ZNF385D: variants seen among roughly 807,000 people sequenced by gnomAD.
ZNF385D encodes the protein zinc finger protein 659.
Under a neutral mutation model 35.8 loss-of-function variants are expected in ZNF385D, and 15 were observed. The ratio of observed to expected loss-of-function variants is 0.42; its 90% CI spans 0.28 to 0.64. The LOEUF (loss-of-function observed/expected upper bound fraction) is 0.64. ZNF385D is among the 30% of genes least tolerant of loss of function. The pLI is 0.23. For missense variants in ZNF385D, 474 were observed against 494.6 expected, an observed-to-expected ratio of 0.96 and a Z score of 0.39; for synonymous variants, 212 against 186.8, an observed-to-expected ratio of 1.13 and a Z score of -1.10.
intron 3 of ZNF385D, among the ~76,000 whole-genome samples, chr3:22,085,028 G>A (rs1377867157): frequency 6.6e-6 from 1 of 152,134 alleles, no homozygotes; most frequent in Non-Finnish European, 1.5e-5. Flanking sequence ...TGAAACCAAT[G>A]AGAACAAAGA....
intron 3 of ZNF385D, among the ~76,000 whole-genome samples, chr3:21,912,516 A>G (rs1700009482): frequency 6.6e-6 from 1 of 152,056 alleles, no homozygotes; most frequent in South Asian, 2.1e-4. Context: ...GAAGCTAAAT[A>G]AACTGACATG....
At chr3:21,619,564 TCA>T (rs2064945087) in intron 2 of ZNF385D, among the ~76,000 whole-genome samples, 1 of 152,116 alleles carries the variant, frequency 6.6e-6, no homozygotes, top group Non-Finnish European at 1.5e-5. Context: ...AATCCGATGT[TCA>T]CATTATTCTC....
intron 3 of ZNF385D, among the ~76,000 whole-genome samples, chr3:22,027,672 G>A (rs1188287640): frequency 1.3e-5 from 2 of 152,116 alleles, no homozygotes; most frequent in African/African-American, 2.4e-5. Context: ...CATAAAGTGG[G>A]TCACGCACAG....
intron 3 of ZNF385D, among the ~76,000 whole-genome samples, chr3:22,119,003 A>G (rs1420146387): frequency 6.6e-6 from 1 of 152,098 alleles, no homozygotes; most frequent in Non-Finnish European, 1.5e-5. Flanking sequence ...CTGCTATTGT[A>G]CTGTTTTTTC....
chr3:21,725,822 C>T (rs2068738038), intron 1 of ZNF385D, among the ~76,000 whole-genome samples: 2 of 152,168 alleles, frequency 1.3e-5, no homozygotes, highest in African/African-American at 4.8e-5. Context: ...TCCTCCCTAA[C>T]TCATTTTATG....
intron 3 of ZNF385D, among the ~76,000 whole-genome samples, chr3:21,903,323 G>T (rs1699507466): frequency 6.6e-6 from 1 of 152,122 alleles, no homozygotes; most frequent in Non-Finnish European, 1.5e-5. Context: ...TTACTTCAGG[G>T]ATCACAGCAG....
chr3:21,979,162 G>A (rs1025145232), intron 3 of ZNF385D, among the ~76,000 whole-genome samples: 1 of 151,994 alleles, frequency 6.6e-6, no homozygotes, highest in South Asian at 2.1e-4. Flanking sequence ...CTGTAGAATA[G>A]TCTGGGCTGG....
chr3:21,856,673 C>T (rs1298382091), intron 3 of ZNF385D, among the ~76,000 whole-genome samples: 1 of 152,014 alleles, frequency 6.6e-6, no homozygotes, highest in East Asian at 1.9e-4. Flanking sequence ...ATACCCAGTC[C>T]AAGCCACCAT....
At chr3:22,182,116 G>C (rs1016073268) in intron 2 of ZNF385D, among the ~76,000 whole-genome samples, 12 of 152,134 alleles carry the variant, frequency 7.9e-5, no homozygotes, top group African/African-American at 2.9e-4. Flanking sequence ...CTGCTCCTCA[G>C]AAATTGTGAG....
chr3:21,759,751 G>A (rs950753759), intron 3 of ZNF385D, among the ~76,000 whole-genome samples: 2 of 152,092 alleles, frequency 1.3e-5, no homozygotes, highest in Admixed American at 6.6e-5. Flanking sequence ...AATGAAGGAA[G>A]TAAACAGCGT....
intron 3 of ZNF385D, among the ~76,000 whole-genome samples, chr3:22,138,579 T>C (rs549436876): frequency 4.6e-5 from 7 of 151,528 alleles, no homozygotes; most frequent in South Asian, 2.1e-4. Flanking sequence ...GGATTCCTTA[T>C]TTAATAAATG....
chr3:22,164,247 T>TTTTTTTTTTTTTTTG (rs1348547943), intron 3 of ZNF385D, among the ~76,000 whole-genome samples: 3 of 93,460 alleles, frequency 3.2e-5, no homozygotes, highest in African/African-American at 1.8e-4. Flanking sequence ...TTTTTTTTTT[T>TTTTTTTTTTTTTTTG]GAGACGGGGT....
At chr3:22,022,219 A>G (rs1268402184) in intron 3 of ZNF385D, among the ~76,000 whole-genome samples, 2 of 152,170 alleles carry the variant, frequency 1.3e-5, no homozygotes, top group Admixed American at 6.6e-5. Context: ...CAAAGTATAT[A>G]AAATTAAGTT....
intron 2 of ZNF385D, among the ~76,000 whole-genome samples, chr3:22,269,926 A>T (rs1014051343): frequency 8.6e-5 from 13 of 151,804 alleles, no homozygotes; most frequent in Admixed American, 8.5e-4. Flanking sequence ...CTGTGCTGAT[A>T]GCTTTCCTAA....
At chr3:21,830,999 A>C (rs1694956463) in intron 3 of ZNF385D, among the ~76,000 whole-genome samples, 1 of 152,202 alleles carries the variant, frequency 6.6e-6, no homozygotes. Flanking sequence ...AAAGTGAAGA[A>C]AACCAAATGA....
intron 2 of ZNF385D, among the ~76,000 whole-genome samples, chr3:22,203,001 T>TGCTGC (rs1696905774): frequency 6.6e-6 from 1 of 152,096 alleles, no homozygotes; most frequent in Admixed American, 6.6e-5. Flanking sequence ...CCTAGTGGTG[T>TGCTGC]GCTGCGCTTG....
At chr3:22,030,470 A>G (rs113510368) in intron 3 of ZNF385D, among the ~76,000 whole-genome samples, 12,866 of 150,242 alleles carry the variant, frequency 0.086, 599 homozygotes, top group East Asian at 0.16. Context: ...AGGGAGGGAG[A>G]GAGAGAGACA....
chr3:21,758,121 C>G (rs2070429500), intron 3 of ZNF385D, among the ~76,000 whole-genome samples: 1 of 152,152 alleles, frequency 6.6e-6, no homozygotes, highest in African/African-American at 2.4e-5. Flanking sequence ...TTCACGTGTT[C>G]CCTTAATGAG....
intron 3 of ZNF385D, among the ~76,000 whole-genome samples, chr3:21,536,945 C>T (rs1295882099): frequency 1.3e-5 from 2 of 151,686 alleles, no homozygotes; most frequent in African/African-American, 4.8e-5. Flanking sequence ...GCCTGGTGCA[C>T]TCAAGGTATA....
Sources: gnomAD v4.1 joint callset for allele counts (sites outside exome capture counted in the v4.1 genomes callset) on GRCh38, gnomAD v4.1.1 for gene constraint, MANE v1.5 for transcripts, NCBI Gene and HGNC (gene_info 2026-07-23, HGNC 2026-07-21) for gene names.